AFDN: variants seen among roughly 807,000 people sequenced by gnomAD.
AFDN encodes afadin.
Under a neutral mutation model 216.6 loss-of-function variants are expected in AFDN, and 68 were observed. The ratio of observed to expected loss-of-function variants is 0.31; its 90% CI spans 0.26 to 0.38. The LOEUF is 0.38. Among genes scored for constraint, AFDN ranks in the 10% least tolerant of loss-of-function variants. The pLI, the probability that AFDN is intolerant of heterozygous loss-of-function variation, is 1.00. For missense variants in AFDN, 2,136 were observed against 2,342.0 expected (o/e 0.91, Z 1.82); for synonymous variants, 868 against 853.7 (o/e 1.02, Z -0.29).
chr6:167,965,815 A>G lies in AFDN; in HGVS notation c.5027A>G (p.Asp1676Gly). The stretch of plus-strand genomic sequence containing the variant: ...GAAGCCGAGAGGCGCAGACAGCACG[A>G]CGAGGCGGCGCGCAGGTTGCTGGAG... ...RLEAERRRQH[D>G]EAARRLLEPE... Residue 1676 changes from aspartate to glycine, a missense_variant, in exon 32 of 34, where the codon GAC becomes GGC. Coordinates refer to ENST00000683244, the MANE Select transcript of AFDN (RefSeq NM_001386888.1). The G allele has an allele frequency of 6.4e-7, 1 of 1,565,468 alleles. No homozygotes were observed. Among genetic ancestry groups the G allele is most frequent in the Non-Finnish European group, 8.7e-7 (1 of 1,155,686 alleles).
At chr6:167,875,828 C>T (rs1229632614) in intron 5 of AFDN, among the ~76,000 whole-genome samples, 1 of 152,162 alleles carries the variant, frequency 6.6e-6, no homozygotes, top group African/African-American at 2.4e-5. Flanking sequence ...AATACATTGC[C>T]TCCATTCTCA....
At chr6:167,916,203 G>T (rs1293468946) in intron 19 of AFDN, among the ~76,000 whole-genome samples, 1 of 152,116 alleles carries the variant, frequency 6.6e-6, no homozygotes, top group Non-Finnish European at 1.5e-5. Context: ...CTTTGTCTTC[G>T]TACGGCATTC....
rs926615625 is a variant in AFDN at position 167,827,098 on chromosome 6, C to T, written c.-35C>T. The T allele has an allele frequency of 2.3e-5, 27 of 1,168,512 alleles. No individual in the cohort carries two copies. The highest frequency in any genetic ancestry group is 3.3e-5 in the African/African-American group (2 of 60,072). The allele number at this position is 1,168,512 out of a possible 1,614,324, so 72.4% of individuals were successfully genotyped here. A position where few individuals can be genotyped will look rare whatever the true frequency, so the allele number is the denominator to read the frequency against. ...TCGTCCTCGGCCCGTCCTCCGGCCC[C>T]GGCCCCGCGCGGCTGAGGAGGCGCG... On this transcript the variant is annotated 5_prime_UTR_variant, in exon 1 of 34. Transcript: ENST00000683244.
At chr6:167,882,484 A>AC (rs1786246356) in intron 6 of AFDN, among the ~76,000 whole-genome samples, 1 of 36,784 alleles carries the variant, frequency 2.7e-5, no homozygotes, top group African/African-American at 8.8e-5. Context: ...TACTAAAACT[A>AC]CAAAAAAAAA....
At chr6:167,924,698 A>T (rs1343912701) in intron 22 of AFDN, among the ~76,000 whole-genome samples, 2 of 150,834 alleles carry the variant, frequency 1.3e-5, no homozygotes, top group African/African-American at 4.8e-5. Flanking sequence ...CCTTACGATC[A>T]GGCTTTCTAC....
intron 4 of AFDN, among the ~76,000 whole-genome samples, chr6:167,874,452 G>T (rs1247625178): frequency 1.3e-5 from 2 of 151,940 alleles, no homozygotes; most frequent in Admixed American, 6.6e-5. Flanking sequence ...ATTGTTTTCA[G>T]CTCATCATTC....
At chr6:167,881,148 A>T (rs1786050591) in intron 6 of AFDN, among the ~76,000 whole-genome samples, 1 of 152,182 alleles carries the variant, frequency 6.6e-6, no homozygotes, top group African/African-American at 2.4e-5. Context: ...GCAGTGTTTC[A>T]TAGTATTCAG....
At chr6:167,837,585 T>C (rs1780589488) in intron 1 of AFDN, among the ~76,000 whole-genome samples, 1 of 152,218 alleles carries the variant, frequency 6.6e-6, no homozygotes, top group African/African-American at 2.4e-5. Flanking sequence ...AGTGAACACA[T>C]GTGATATATA....
chr6:167,837,994 A>G (rs539740852), intron 1 of AFDN, among the ~76,000 whole-genome samples: 1 of 152,358 alleles, frequency 6.6e-6, no homozygotes, highest in African/African-American at 2.4e-5. Context: ...TCATACATAA[A>G]TACATGATGT....
At position 167,918,732 on chromosome 6, in the gene AFDN, C is replaced by T; in HGVS notation, c.2710-3C>T. On this transcript the variant is annotated splice_region_variant and splice_polypyrimidine_tract_variant and intron_variant, in intron 20 of 33. Coordinates refer to ENST00000683244, the MANE Select transcript of AFDN (RefSeq NM_001386888.1). The stretch of plus-strand genomic sequence containing the variant: ...TTTAATTTTGCGTTTGTTTTCCAAA[C>T]AGGATCTTATAGAAAATGTAGTGAC... 3 of 1,614,090 alleles carry T rather than the reference C, an allele frequency of 1.9e-6. No homozygotes were observed. Among genetic ancestry groups the T allele is most frequent in the Admixed American group, 3.3e-5 (2 of 60,016 alleles).
upstream of AFDN, chr6:167,826,649 C>T: frequency 2.0e-6 from 1 of 490,148 alleles, no homozygotes; most frequent in Non-Finnish European, 4.1e-6. Flanking sequence ...CGCGTCCGAA[C>T]CGAACCTAGC....
intron 8 of AFDN, 121 bp downstream of exon 8, chr6:167,891,150 TA>T: frequency 1.3e-6 from 1 of 786,192 alleles, no homozygotes; most frequent in South Asian, 4.4e-5. Flanking sequence ...TTTAGCCATT[TA>T]TTTTTTTAAA....
intron 1 of AFDN, among the ~76,000 whole-genome samples, chr6:167,864,021 T>C (rs1202393004): frequency 6.6e-6 from 1 of 152,190 alleles, no homozygotes; most frequent in Non-Finnish European, 1.5e-5. Flanking sequence ...ATTTCCCTCT[T>C]GCTTTTTAAA....
intron 23 of AFDN, among the ~76,000 whole-genome samples, chr6:167,931,899 T>C (rs941320616): frequency 1.3e-5 from 2 of 152,200 alleles, no homozygotes; most frequent in Admixed American, 1.3e-4. Context: ...CATATTCTGC[T>C]CCTGCCACTG....
At chr6:167,832,457 C>CA (rs1461893144) in intron 1 of AFDN, among the ~76,000 whole-genome samples, 1 of 152,134 alleles carries the variant, frequency 6.6e-6, no homozygotes. Flanking sequence ...TAGCTGAAGT[C>CA]ATCTGGTTGA....
At chr6:167,957,325 G>A (rs1463188913) in intron 30 of AFDN, among the ~76,000 whole-genome samples, 3 of 152,178 alleles carry the variant, frequency 2.0e-5, no homozygotes, top group East Asian at 3.9e-4. Context: ...TCTGGGTAGC[G>A]CCACCTCCAT....
chr6:167,914,335 G>A (rs747225252), intron 17 of AFDN, 22 bp downstream of exon 17: 1 of 1,611,958 alleles, frequency 6.2e-7, no homozygotes, highest in South Asian at 1.1e-5. Context: ...ATTTTTGAAG[G>A]CGGCACTACT....
At chr6:167,891,809 C>A (rs980249962) in intron 8 of AFDN, among the ~76,000 whole-genome samples, 1 of 152,076 alleles carries the variant, frequency 6.6e-6, no homozygotes, top group Non-Finnish European at 1.5e-5. Flanking sequence ...TATTATGTGA[C>A]CTGCATTATA....
rs143830638 is a variant in AFDN at position 167,848,925 on chromosome 6, G to C, written c.106-15626G>C. ...TACTGATTGTTTAGTCTGCCATACT[G>C]CTGGAACTGGGTGTTTTCCACCCTT... On this transcript the variant is annotated intron_variant, in intron 1 of 33. Transcript: ENST00000683244. Among the ~76,000 whole-genome samples the C allele has an allele frequency of 2.6e-3, 403 of 152,178 alleles. 2 individuals carry two copies. The highest frequency in any genetic ancestry group is 4.7e-3 in the Non-Finnish European group (320 of 67,986).
Sources: allele counts gnomAD v4.1 joint callset (sites outside exome capture counted in the v4.1 genomes callset), GRCh38; gene constraint gnomAD v4.1.1; transcripts MANE v1.5; gene names NCBI Gene and HGNC (gene_info 2026-07-23, HGNC 2026-07-21).